ERCC6L2: variants seen among roughly 807,000 people sequenced by gnomAD.
ERCC6L2 encodes DNA excision repair protein ERCC-6-like 2.
In ERCC6L2, 77 loss-of-function variants were observed where a neutral mutation model predicts 132.0. That is an observed-to-expected ratio of 0.58 (90% CI 0.49 to 0.71). The LOEUF (loss-of-function observed/expected upper bound fraction) is 0.71. Among genes scored for constraint, ERCC6L2 ranks in the 30% least tolerant of loss-of-function variants. The pLI, the probability that ERCC6L2 is intolerant of heterozygous loss-of-function variation, is 0.00. For missense variants in ERCC6L2, 1,542 were observed against 1,837.6 expected (o/e 0.84, Z 2.94); for synonymous variants, 583 against 632.4 (o/e 0.92, Z 1.17).
At chr9:95,953,565 ACTCTGTCT>A in intron 12 of ERCC6L2, among the ~76,000 whole-genome samples, 1 of 144,920 alleles carries the variant, frequency 6.9e-6, no homozygotes. Context: ...ACAGAGTGAG[ACTCTGTCT>A]CAAAAAAAAA....
chr9:95,931,689 A>G (rs1830345618), intron 11 of ERCC6L2, among the ~76,000 whole-genome samples: 1 of 152,184 alleles, frequency 6.6e-6, no homozygotes, highest in Non-Finnish European at 1.5e-5. Context: ...ATAGATGTGC[A>G]GTGCCAATCT....
chr9:95,969,583 A>C (rs1832321332), intron 14 of ERCC6L2, among the ~76,000 whole-genome samples: 1 of 152,160 alleles, frequency 6.6e-6, no homozygotes, highest in Non-Finnish European at 1.5e-5. Flanking sequence ...ATAATAACGG[A>C]GTTTCAACAG....
chr9:95,915,955 C>G, intron 5 of ERCC6L2, 126 bp downstream of exon 5: 1 of 965,798 alleles, frequency 1.0e-6, no homozygotes, highest in East Asian at 2.6e-5. Flanking sequence ...TGTTTGATCC[C>G]AGATGTGGTA....
At chr9:95,900,506 C>T (rs1430036931) in intron 3 of ERCC6L2, among the ~76,000 whole-genome samples, 1 of 152,116 alleles carries the variant, frequency 6.6e-6, no homozygotes, top group Non-Finnish European at 1.5e-5. Flanking sequence ...CTCTTTTACC[C>T]AAGTACTATT....
At chr9:95,977,252 T>G (rs1832711549) in intron 16 of ERCC6L2, among the ~76,000 whole-genome samples, 1 of 152,220 alleles carries the variant, frequency 6.6e-6, no homozygotes, top group African/African-American at 2.4e-5. Flanking sequence ...AGGAGAATGT[T>G]ATGCTAGTTA....
chr9:95,933,589 A>G (rs1048270483), intron 11 of ERCC6L2, among the ~76,000 whole-genome samples: 2 of 152,208 alleles, frequency 1.3e-5, no homozygotes, highest in East Asian at 3.8e-4. Flanking sequence ...TCACGCGTGT[A>G]TTCCCAGCAC....
chr9:95,932,620 T>A (rs1353208352), intron 11 of ERCC6L2, among the ~76,000 whole-genome samples: 1 of 152,190 alleles, frequency 6.6e-6, no homozygotes, highest in African/African-American at 2.4e-5. Context: ...ATGGTATCTC[T>A]TTATATTTAT....
intron 11 of ERCC6L2, among the ~76,000 whole-genome samples, chr9:95,937,695 C>T (rs1830617310): frequency 6.8e-6 from 1 of 146,042 alleles, no homozygotes; most frequent in Non-Finnish European, 1.5e-5. Flanking sequence ...TCCCTTGTTT[C>T]ATTTCTAATA....
chr9:95,965,506 A>T (rs571061128), intron 13 of ERCC6L2, among the ~76,000 whole-genome samples: 1 of 152,116 alleles, frequency 6.6e-6, no homozygotes, highest in East Asian at 1.9e-4. Context: ...CTCAATAGTT[A>T]AGCATTTCTC....
intron 16 of ERCC6L2, among the ~76,000 whole-genome samples, chr9:95,974,586 A>G (rs1332512806): frequency 6.6e-6 from 1 of 152,128 alleles, no homozygotes; most frequent in African/African-American, 2.4e-5. Context: ...TCCCAGACCT[A>G]CAATCAGTCA....
chr9:95,889,041 G>T (rs1398045543), intron 2 of ERCC6L2, among the ~76,000 whole-genome samples: 2 of 151,862 alleles, frequency 1.3e-5, no homozygotes, highest in Admixed American at 6.6e-5. Context: ...TAGTGTAGAT[G>T]ATTTAAATGA....
chr9:95,921,031 T>C, intron 6 of ERCC6L2, 144 bp from the exon 7 acceptor site: 1 of 682,426 alleles, frequency 1.5e-6, no homozygotes, highest in Non-Finnish European at 2.3e-6. Flanking sequence ...CTCCTTGGCT[T>C]CCCAAAGTAT....
intron 20 of ERCC6L2, among the ~76,000 whole-genome samples, chr9:96,040,683 C>T (rs112219015): frequency 0.03 from 4,501 of 152,368 alleles, 219 homozygotes; most frequent in African/African-American, 0.1. Flanking sequence ...ATGCGTGGCC[C>T]ATGGCCACAC....
intron 3 of ERCC6L2, among the ~76,000 whole-genome samples, chr9:95,899,321 T>C (rs994650294): frequency 2.6e-5 from 4 of 151,870 alleles, no homozygotes; most frequent in African/African-American, 4.8e-5. Flanking sequence ...TGTGGTGGTG[T>C]GTGCCAGTAG....
intron 18 of ERCC6L2, among the ~76,000 whole-genome samples, chr9:96,010,872 C>T (rs1192234578): frequency 6.6e-6 from 1 of 152,160 alleles, no homozygotes; most frequent in Non-Finnish European, 1.5e-5. Context: ...GTGCTTAGCA[C>T]ATAACAGGCT....
chr9:95,987,100 A>G (rs1833125909), intron 17 of ERCC6L2, among the ~76,000 whole-genome samples: 1 of 152,152 alleles, frequency 6.6e-6, no homozygotes, highest in Non-Finnish European at 1.5e-5. Flanking sequence ...TCTCCCATCG[A>G]GTACTTCCCA....
intron 3 of ERCC6L2, among the ~76,000 whole-genome samples, chr9:95,899,590 TTA>T (rs150595611): frequency 6.3e-4 from 87 of 138,398 alleles, no homozygotes; most frequent in South Asian, 7.1e-4. Flanking sequence ...TTTTTTCTCT[TTA>T]TATATATATG....
At chr9:96,033,001 C>T (rs368814730) in intron 19 of ERCC6L2, among the ~76,000 whole-genome samples, 1 of 152,186 alleles carries the variant, frequency 6.6e-6, no homozygotes. Flanking sequence ...ATTTAGCAGC[C>T]TGTACCAGTG....
intron 17 of ERCC6L2, among the ~76,000 whole-genome samples, chr9:95,980,800 A>C (rs1366832996): frequency 4.6e-5 from 7 of 152,298 alleles, no homozygotes; most frequent in Non-Finnish European, 8.8e-5. Flanking sequence ...AGAACAAAAG[A>C]GACTCAATCA....
Sources: allele counts gnomAD v4.1 joint callset (sites outside exome capture counted in the v4.1 genomes callset), GRCh38; gene constraint gnomAD v4.1.1; transcripts MANE v1.5; gene names NCBI Gene and HGNC (gene_info 2026-07-23, HGNC 2026-07-21).